The following CDK2AP1 variants were observed in gnomAD, a reference collection of about 807,000 sequenced individuals.
The protein encoded by CDK2AP1 is cyclin dependent kinase 2 associated protein 1, also known as cyclin-dependent kinase 2-associated protein 1.
A neutral mutation model predicts 14.1 loss-of-function variants in CDK2AP1; 10 were observed. The observed-to-expected ratio is 0.71, with a 90% CI of 0.44 to 1.20. CDK2AP1 has a LOEUF of 1.20. CDK2AP1 is among the 50% of genes most tolerant of loss of function. The pLI is 0.00. For missense variants in CDK2AP1, 102 were observed against 149.9 expected, an observed-to-expected ratio of 0.68 and a Z score of 1.67; for synonymous variants, 59 against 59.8, an observed-to-expected ratio of 0.99 and a Z score of 0.06.
chr12:123,271,847 C>A lies in CDK2AP1; in HGVS notation c.-229G>T, dbSNP rs1482906327. 6.8e-6 allele frequency: 1 copy of A among 146,314 alleles called. No individual in the cohort carries two copies. The highest frequency in any genetic ancestry group is 6.8e-5 in the Admixed American group (1 of 14,738). The allele number at this position is 146,314 out of a possible 1,614,324, so 9.1% of individuals were successfully genotyped here. A position where few individuals can be genotyped will look rare whatever the true frequency, so the allele number is the denominator to read the frequency against. On this transcript the variant is annotated 5_prime_UTR_variant, in exon 1 of 4. Coordinates refer to ENST00000261692, the MANE Select transcript of CDK2AP1 (RefSeq NM_004642.4). ...GCCCCGGGTGCGGCGCAGGGGCGGC[C>A]GCAAACTTTCCGCGGAGCCGGCGGG...
At position 123,265,081 on chromosome 12, in the gene CDK2AP1, G is replaced by T; in HGVS notation, c.280+115C>A. On this transcript the variant is annotated intron_variant, in intron 3 of 3. Transcript: ENST00000261692. This position sits in a 1 kb window ranked among gnomAD's most constrained non-coding sequence, Gnocchi z 5.3. ...ACGGCAACTCTGTAACAAGACAGGAGCTCCCATGAGTGAGCCTCATCCCTA... is the reference window on the plus strand; with the variant it reads ...ACGGCAACTCTGTAACAAGACAGGATCTCCCATGAGTGAGCCTCATCCCTA... 1 of 1,393,000 alleles carries T rather than the reference G, an allele frequency of 7.2e-7. No individual in the cohort carries two copies. The highest frequency in any genetic ancestry group is 9.9e-7 in the Non-Finnish European group (1 of 1,005,394). 86.3% of individuals were successfully genotyped at this position (1,393,000 alleles called of 1,614,324 possible). A position where few individuals can be genotyped will look rare whatever the true frequency, so the allele number is the denominator to read the frequency against.
chr12:123,266,567 G>A (rs2048297670), intron 2 of CDK2AP1, among the ~76,000 whole-genome samples: 1 of 152,268 alleles, frequency 6.6e-6, no homozygotes, highest in Admixed American at 6.5e-5. Context: ...GTGCAGCTGA[G>A]ATGGTGGCGG....
chr12:123,271,045 C>CGCAGCCCG (rs1377707860), intron 1 of CDK2AP1: 2 of 17,580 alleles, frequency 1.1e-4, no homozygotes, highest in Non-Finnish European at 4.0e-4. Context: ...CCGGCAGCCC[C>CGCAGCCCG]GCAGCCCCGC....
chr12:123,268,304 C>A, intron 1 of CDK2AP1: 1 of 901,750 alleles, frequency 1.1e-6, no homozygotes. Context: ...ACCAGCTGCT[C>A]GCTTGGTGTG....
rs765955915 is a variant in CDK2AP1 at position 123,265,332 on chromosome 12, G to C, written c.154-10C>G. 1 of 1,613,976 alleles carries C rather than the reference G, an allele frequency of 6.2e-7. No homozygotes were observed. The highest frequency in any genetic ancestry group is 1.1e-5 in the South Asian group (1 of 91,072). The stretch of plus-strand genomic sequence containing the variant: ...GGCTGTTCCCAGTTCCCTAGAATCA[G>C]AAAGAAATGGGTTCAGCAAAATCAG... On this transcript the variant is annotated splice_polypyrimidine_tract_variant and intron_variant, in intron 2 of 3. Transcript: ENST00000261692. The surrounding 1 kb of genome is among the most constrained non-coding windows in gnomAD (Gnocchi z 5.3).
At chr12:123,271,295 C>A (rs1435312058) in intron 1 of CDK2AP1, among the ~76,000 whole-genome samples, 3 of 147,152 alleles carry the variant, frequency 2.0e-5, no homozygotes, top group East Asian at 2.0e-4. Context: ...GCCCGCCGCG[C>A]TCCCTGCGAT....
chr12:123,266,514 G>A (rs917977020), intron 2 of CDK2AP1, among the ~76,000 whole-genome samples: 5 of 152,264 alleles, frequency 3.3e-5, no homozygotes, highest in Non-Finnish European at 2.9e-5. Context: ...GCATCTTCCC[G>A]CTGGGACCTT....
At chr12:123,263,711 C>T (rs1265159378) in intron 3 of CDK2AP1, among the ~76,000 whole-genome samples, 1 of 152,178 alleles carries the variant, frequency 6.6e-6, no homozygotes, top group Non-Finnish European at 1.5e-5. Flanking sequence ...CAGAGCAACC[C>T]CGCTCCTGGC....
At position 123,265,071 on chromosome 12, in the gene CDK2AP1, C is replaced by T. The variant is rs2138814633; in HGVS notation, c.280+125G>A. ...TCCACCACAGACGGCAACTCTGTAA[C>T]AAGACAGGAGCTCCCATGAGTGAGC... On this transcript the variant is annotated intron_variant, in intron 3 of 3. Coordinates refer to ENST00000261692, the MANE Select transcript of CDK2AP1 (RefSeq NM_004642.4). The surrounding 1 kb of genome is among the most constrained non-coding windows in gnomAD (Gnocchi z 5.3). The T allele has an allele frequency of 1.5e-6, 2 of 1,350,774 alleles. No individual in the cohort carries two copies. The highest frequency in any genetic ancestry group is 1.4e-5 in the African/African-American group (1 of 69,740). 83.7% of individuals were successfully genotyped at this position (1,350,774 alleles called of 1,614,324 possible). A position where few individuals can be genotyped will look rare whatever the true frequency, so the allele number is the denominator to read the frequency against.
intron 1 of CDK2AP1, among the ~76,000 whole-genome samples, 153 bp downstream of exon 1, chr12:123,271,411 G>C (rs915992280): frequency 6.8e-6 from 1 of 146,730 alleles, no homozygotes; most frequent in Admixed American, 6.7e-5. Context: ...CGCGGGCTCG[G>C]GAATCATGGC....
chr12:123,268,183 C>A, intron 1 of CDK2AP1: 2 of 985,450 alleles, frequency 2.0e-6, no homozygotes, highest in Non-Finnish European at 2.4e-6. Context: ...TCCTCCTCGG[C>A]AGCTGCCCGC....
chr12:123,264,125 A>C (rs2048262403), intron 3 of CDK2AP1, among the ~76,000 whole-genome samples: 1 of 141,506 alleles, frequency 7.1e-6, no homozygotes, highest in Admixed American at 7.2e-5. Flanking sequence ...AAAAAAAAGA[A>C]TGTTCCTCTC....
At chr12:123,263,933 C>A (rs745736356) in intron 3 of CDK2AP1, among the ~76,000 whole-genome samples, 1 of 151,798 alleles carries the variant, frequency 6.6e-6, no homozygotes, top group Admixed American at 6.6e-5. Flanking sequence ...CATGGCGAAA[C>A]CTGGTCTCTA....
At chr12:123,270,760 G>A (rs1356445427) in intron 1 of CDK2AP1, 2 of 887,984 alleles carry the variant, frequency 2.3e-6, no homozygotes, top group Non-Finnish European at 2.7e-6. Flanking sequence ...CTTCTGCATC[G>A]AGGGCCTTCC....
At chr12:123,263,411 A>G (rs1243567844) in intron 3 of CDK2AP1, among the ~76,000 whole-genome samples, 4 of 152,012 alleles carry the variant, frequency 2.6e-5, no homozygotes, top group African/African-American at 9.7e-5. Context: ...CTTGTTACTA[A>G]AAGACTGGCA....
chr12:123,263,637 A>G (rs566299969), intron 3 of CDK2AP1, among the ~76,000 whole-genome samples: 35 of 152,184 alleles, frequency 2.3e-4, no homozygotes, highest in African/African-American at 8.4e-4. Context: ...CACATCCTCT[A>G]ACCCTGGTAG....
chr12:123,261,604 G>A lies in CDK2AP1; in HGVS notation c.*132C>T. ...CAATCTTTGAGACTGTAGGTTCAGA[G>A]CCAAGTGAACCATGGGAGGAAAAAC... On this transcript the variant is annotated 3_prime_UTR_variant, in exon 4 of 4. Transcript: ENST00000261692. The A allele has an allele frequency of 1.4e-6, 1 of 701,770 alleles. No homozygotes were observed. Among genetic ancestry groups the A allele is most frequent in the Non-Finnish European group, 2.5e-6 (1 of 397,768 alleles). 43.5% of individuals were successfully genotyped at this position (701,770 alleles called of 1,614,324 possible).
Position 123,265,372 on chromosome 12 carries a change from G to A in CDK2AP1, c.154-50C>T, listed in dbSNP as rs1325511764. 1.9e-6 allele frequency: 3 copies of A among 1,599,360 alleles called. No homozygotes were observed. The highest frequency in any genetic ancestry group is 2.2e-5 in the East Asian group (1 of 44,750). ...AGCAAAATCAGCCGGGCGTGGTGGT[G>A]CGTGCCTGTAGTCCCAGTTACTCAG... On this transcript the variant is annotated intron_variant, in intron 2 of 3. Coordinates refer to ENST00000261692, the MANE Select transcript of CDK2AP1 (RefSeq NM_004642.4). The surrounding 1 kb of genome is among the most constrained non-coding windows in gnomAD (Gnocchi z 5.3).
chr12:123,262,356 C>G (rs917475601), intron 3 of CDK2AP1: 1 of 152,106 alleles, frequency 6.6e-6, no homozygotes, highest in Non-Finnish European at 1.5e-5. Context: ...CCTTTTTTTT[C>G]TTTCTGCCTC....
Sources: allele counts gnomAD v4.1 joint callset (sites outside exome capture counted in the v4.1 genomes callset), GRCh38; gene constraint gnomAD v4.1.1; non-coding constraint Gnocchi (gnomAD v3.1); transcripts MANE v1.5; gene names NCBI Gene and HGNC (gene_info 2026-07-23, HGNC 2026-07-21).